Variants in SLC35F4 observed in about 807,000 individuals in gnomAD.
SLC35F4 encodes chromosome 14 open reading frame 36.
In SLC35F4, 24 loss-of-function variants were observed where a neutral mutation model predicts 44.2. The ratio of observed to expected loss-of-function variants is 0.54; its 90% CI spans 0.39 to 0.76. The LOEUF is 0.76. SLC35F4 is among the 30% of genes least tolerant of loss of function. SLC35F4 has a pLI of 0.00. For missense variants in SLC35F4, 562 were observed against 586.1 expected (o/e 0.96, Z 0.42); for synonymous variants, 238 against 223.6 (o/e 1.06, Z -0.57).
intron 1 of SLC35F4, among the ~76,000 whole-genome samples, chr14:57,749,134 T>C (rs1215118090): frequency 2.6e-5 from 4 of 152,204 alleles, no homozygotes; most frequent in Non-Finnish European, 5.9e-5. Flanking sequence ...CCAAGAATTA[T>C]ATATAAAACA....
chr14:57,653,080 A>T (rs183697263), intron 1 of SLC35F4, among the ~76,000 whole-genome samples: 1 of 152,298 alleles, frequency 6.6e-6, no homozygotes. Context: ...TGTATTAAAA[A>T]ACCTCAGGTA....
intron 1 of SLC35F4, among the ~76,000 whole-genome samples, chr14:57,637,295 A>G (rs1485477963): frequency 1.3e-5 from 2 of 152,144 alleles, no homozygotes; most frequent in African/African-American, 4.8e-5. Flanking sequence ...CAGCTGAAGT[A>G]GAATCTTACA....
At chr14:57,873,550 T>C (rs1323995277) in intron 1 of SLC35F4, among the ~76,000 whole-genome samples, 1 of 152,108 alleles carries the variant, frequency 6.6e-6, no homozygotes, top group Non-Finnish European at 1.5e-5. Flanking sequence ...TAATATTAAG[T>C]GGTGAAAAAA....
chr14:57,752,756 G>T (rs1433466748), intron 1 of SLC35F4, among the ~76,000 whole-genome samples: 1 of 152,146 alleles, frequency 6.6e-6, no homozygotes, highest in East Asian at 1.9e-4. Flanking sequence ...ACTGCACCTG[G>T]CCGGAAAGCC....
At chr14:57,609,404 G>A (rs995693026) in intron 1 of SLC35F4, among the ~76,000 whole-genome samples, 8 of 152,092 alleles carry the variant, frequency 5.3e-5, no homozygotes, top group Non-Finnish European at 1.2e-4. Flanking sequence ...CATGATTGTT[G>A]CAAATGTTTA....
At chr14:57,853,962 T>G (rs983808739) in intron 1 of SLC35F4, among the ~76,000 whole-genome samples, 15 of 152,148 alleles carry the variant, frequency 9.9e-5, no homozygotes, top group African/African-American at 3.4e-4. Context: ...TCACTAATAC[T>G]CCACATCTTT....
chr14:57,668,246 G>C (rs889420616), intron 1 of SLC35F4, among the ~76,000 whole-genome samples: 1 of 151,144 alleles, frequency 6.6e-6, no homozygotes, highest in Non-Finnish European at 1.5e-5. Flanking sequence ...TGTCAGATGA[G>C]TAAGTTGCAA....
rs1317776350 is a variant in SLC35F4, at chr14:57,564,315, G to C, written c.1278C>G (p.Ile426Met). ...GCATCAGCAGAAACCCAATGCAGAT[G>C]ATGATGGTAGCAGCCAGGCGGACAA... ...FNVVRLAATI[I>M]ICIGFLLMLL... The change falls in exon 8 of 8, where the codon ATC becomes ATG. Residue 426 changes from isoleucine (I) to methionine (M), a missense_variant. Coordinates refer to ENST00000556826, the MANE Select transcript of SLC35F4 (RefSeq NM_001306087.2). The C allele has an allele frequency of 2.5e-6, 4 of 1,612,174 alleles. No homozygotes were observed. The highest frequency in any genetic ancestry group is 3.4e-6 in the Non-Finnish European group (4 of 1,179,192).
At position 57,581,365 on chromosome 14, in the gene SLC35F4, A is replaced by C; in HGVS notation, c.656T>G (p.Phe219Cys). 8.7e-6 allele frequency: 14 copies of C among 1,613,484 alleles called. No homozygotes were observed. Among genetic ancestry groups the C allele is most frequent in the Non-Finnish European group, 1.2e-5 (14 of 1,179,706 alleles). ...LKLFLKRTAP[F>C]SILWTLTNYL... ...ATTAGTCAAAGTCCATAGAATAGAAAAGGGAGCAGTTCTTTTAAGAAAGAG... is the reference window on the plus strand; with the variant it reads ...ATTAGTCAAAGTCCATAGAATAGAACAGGGAGCAGTTCTTTTAAGAAAGAG... The change falls in exon 4 of 8, where the codon TTT becomes TGT. Residue 219 changes from phenylalanine to cysteine, a missense_variant. Physicochemically the swap from Phe to Cys is radical, Grantham distance 205. Coordinates refer to ENST00000556826, the MANE Select transcript of SLC35F4 (RefSeq NM_001306087.2).
intron 1 of SLC35F4, among the ~76,000 whole-genome samples, chr14:57,638,283 T>C (rs190398210): frequency 2.3e-4 from 35 of 152,246 alleles, no homozygotes; most frequent in Middle Eastern, 3.4e-3. Context: ...TGGTTCTGGC[T>C]GGTTTACAGA....
intron 1 of SLC35F4, among the ~76,000 whole-genome samples, chr14:57,724,938 G>A (rs2076166573): frequency 6.6e-6 from 1 of 152,306 alleles, no homozygotes; most frequent in East Asian, 1.9e-4. Context: ...ATGGGCTGTA[G>A]CCAATGGTTT....
At chr14:57,895,449 G>A (rs1326724996) in intron 1 of SLC35F4, among the ~76,000 whole-genome samples, 1 of 152,078 alleles carries the variant, frequency 6.6e-6, no homozygotes, top group Non-Finnish European at 1.5e-5. Context: ...AATTGAAGGA[G>A]GGGCCTGGTC....
At chr14:57,828,893 A>G (rs1020008283) in intron 1 of SLC35F4, among the ~76,000 whole-genome samples, 1 of 152,262 alleles carries the variant, frequency 6.6e-6, no homozygotes, top group Non-Finnish European at 1.5e-5. Context: ...TAATTTCTCC[A>G]TAGCCCAAGC....
At chr14:57,977,445 C>T (rs949289731) in intron 1 of SLC35F4, among the ~76,000 whole-genome samples, 2 of 152,174 alleles carry the variant, frequency 1.3e-5, no homozygotes, top group African/African-American at 2.4e-5. Context: ...GACAAAGAAA[C>T]GTTTGTCTTT....
intron 1 of SLC35F4, among the ~76,000 whole-genome samples, chr14:57,884,757 G>T (rs1215650983): frequency 3.9e-5 from 6 of 152,048 alleles, no homozygotes; most frequent in Admixed American, 3.9e-4. Flanking sequence ...GACTATATTA[G>T]TATGATGCTA....
intron 1 of SLC35F4, among the ~76,000 whole-genome samples, chr14:57,728,922 C>T (rs747227977): frequency 1.3e-5 from 2 of 152,140 alleles, no homozygotes; most frequent in Non-Finnish European, 2.9e-5. Context: ...AATATTTTCA[C>T]CAGATACATT....
intron 1 of SLC35F4, among the ~76,000 whole-genome samples, chr14:57,643,780 AC>A (rs1260309433): frequency 6.6e-6 from 1 of 150,980 alleles, no homozygotes; most frequent in Non-Finnish European, 1.5e-5. Flanking sequence ...CCCCCACCCC[AC>A]AACAGGCCCG....
intron 1 of SLC35F4, among the ~76,000 whole-genome samples, chr14:57,877,214 G>A (rs1207106687): frequency 6.6e-6 from 1 of 152,110 alleles, no homozygotes; most frequent in Non-Finnish European, 1.5e-5. Context: ...TTGTGTCCAT[G>A]TATATTCAGT....
intron 1 of SLC35F4, among the ~76,000 whole-genome samples, chr14:57,822,622 T>C (rs1008385142): frequency 2.6e-5 from 4 of 152,234 alleles, no homozygotes; most frequent in African/African-American, 7.2e-5. Context: ...CAAAGACCCA[T>C]AAAGAAACAA....
Sources: gnomAD v4.1 joint callset for allele counts (sites outside exome capture counted in the v4.1 genomes callset) on GRCh38, gnomAD v4.1.1 for gene constraint, MANE v1.5 for transcripts, NCBI Gene and HGNC (gene_info 2026-07-23, HGNC 2026-07-21) for gene names.